Variants in ARMC3 observed in about 807,000 individuals in gnomAD.
ARMC3 encodes the protein armadillo repeat-containing protein 3.
ARMC3 carries 74 observed loss-of-function variants against 90.3 expected under a neutral mutation model. The observed-to-expected ratio is 0.82, with a 90% confidence interval of 0.68 to 0.99. The LOEUF is 0.99. ARMC3 is among the 50% of genes least tolerant of loss of function. The pLI is 0.00. For synonymous variants in ARMC3, 334 were observed against 361.8 expected, an observed-to-expected ratio of 0.92 and a Z score of 0.87; for missense variants, 958 against 1,042.8, an observed-to-expected ratio of 0.92 and a Z score of 1.12.
At chr10:22,959,202 T>C (rs1835086503) in intron 5 of ARMC3, 64 bp downstream of exon 5, 4 of 1,436,566 alleles carry the variant, frequency 2.8e-6, no homozygotes, top group African/African-American at 2.8e-5. Context: ...GATTAAACTA[T>C]ATATTGAAAA....
intron 2 of ARMC3, among the ~76,000 whole-genome samples, chr10:22,932,904 G>GT (rs1393251085): frequency 5.9e-5 from 9 of 152,184 alleles, no homozygotes; most frequent in Non-Finnish European, 8.8e-5. Context: ...AGTTATTTCG[G>GT]TTTTTCTTTA....
At chr10:23,025,304 G>A (rs569564602) in intron 16 of ARMC3, among the ~76,000 whole-genome samples, 7 of 151,688 alleles carry the variant, frequency 4.6e-5, no homozygotes, top group African/African-American at 1.7e-4. Context: ...CAGAATACAC[G>A]TTTCATTAAA....
At chr10:22,946,396 T>G in intron 3 of ARMC3, 135 bp downstream of exon 3, 2 of 590,172 alleles carry the variant, frequency 3.4e-6, no homozygotes, top group African/African-American at 3.7e-5. Flanking sequence ...GGATATTATT[T>G]AATGCATTAC....
intron 1 of ARMC3, among the ~76,000 whole-genome samples, chr10:22,930,278 A>C (rs1833876636): frequency 1.3e-5 from 2 of 152,220 alleles, no homozygotes; most frequent in Admixed American, 1.3e-4. Context: ...AGATTTGAAA[A>C]AAATGCTTAT....
At chr10:22,999,460 G>C (rs1348650944) in intron 11 of ARMC3, among the ~76,000 whole-genome samples, 1 of 152,152 alleles carries the variant, frequency 6.6e-6, no homozygotes, top group Non-Finnish European at 1.5e-5. Flanking sequence ...ATTTTTCTCA[G>C]TTTTCTCACA....
intron 1 of ARMC3, among the ~76,000 whole-genome samples, chr10:22,928,490 A>G (rs548546435): frequency 6.6e-6 from 1 of 152,310 alleles, no homozygotes; most frequent in African/African-American, 2.4e-5. Flanking sequence ...CACGAAGAAC[A>G]AATACAAAGG....
intron 4 of ARMC3, 107 bp downstream of exon 4, chr10:22,956,039 T>C: frequency 2.7e-6 from 3 of 1,101,852 alleles, no homozygotes; most frequent in Non-Finnish European, 3.8e-6. Flanking sequence ...AAACTGACTT[T>C]CATGTTCACA....
chr10:22,934,213 A>G (rs934229683), intron 2 of ARMC3, among the ~76,000 whole-genome samples: 1 of 152,200 alleles, frequency 6.6e-6, no homozygotes, highest in Non-Finnish European at 1.5e-5. Context: ...GCTTTCCTCT[A>G]TAGTTTAAAA....
At chr10:23,032,756 ACAG>A in intron 17 of ARMC3, 102 bp from the exon 18 acceptor site, 1 of 1,212,744 alleles carries the variant, frequency 8.2e-7, no homozygotes, top group Non-Finnish European at 1.1e-6. Flanking sequence ...AACAAAAATC[ACAG>A]CAAATGTCAT....
At chr10:22,950,078 T>C (rs1330492908) in intron 3 of ARMC3, among the ~76,000 whole-genome samples, 1 of 151,558 alleles carries the variant, frequency 6.6e-6, no homozygotes, top group Non-Finnish European at 1.5e-5. Context: ...ATGTTTTTTT[T>C]CCAAATATAA....
At position 23,009,979 on chromosome 10, in the gene ARMC3, G is replaced by A. The variant is rs111546868; in HGVS notation, c.2045+1048G>A. ...GGCTGGGCCCCAAGTCTCCCAAGGC[G>A]TACGCAGTGGTTTGCCCTCATCCTC... On this transcript the variant is annotated intron_variant, in intron 16 of 18. Coordinates refer to ENST00000298032, the MANE Select transcript of ARMC3 (RefSeq NM_173081.5). 8.1e-3 allele frequency among the ~76,000 whole-genome samples: 1,240 copies of A among 152,192 alleles called. 11 individuals are homozygous for A. Among genetic ancestry groups the A allele is most frequent in the African/African-American group, 0.027 (1,137 of 41,510 alleles).
At chr10:23,020,132 T>TTGTTTTC (rs1838449679) in intron 16 of ARMC3, among the ~76,000 whole-genome samples, 1 of 151,780 alleles carries the variant, frequency 6.6e-6, no homozygotes, top group African/African-American at 2.4e-5. Context: ...TTGTTTTGTT[T>TTGTTTTC]TGTTTTGTTT....
chr10:22,998,753 T>A (rs1183354217), intron 11 of ARMC3, among the ~76,000 whole-genome samples: 1 of 152,148 alleles, frequency 6.6e-6, no homozygotes, highest in African/African-American at 2.4e-5. Context: ...TAAAATAGAA[T>A]CTCATGTCAG....
At chr10:22,949,621 A>G (rs1834662883) in intron 3 of ARMC3, among the ~76,000 whole-genome samples, 1 of 152,204 alleles carries the variant, frequency 6.6e-6, no homozygotes. Flanking sequence ...GGTATGAGAA[A>G]AATTCAAGTG....
chr10:22,969,981 A>G (rs1835614653), intron 8 of ARMC3, among the ~76,000 whole-genome samples: 2 of 152,086 alleles, frequency 1.3e-5, no homozygotes, highest in South Asian at 4.1e-4. Flanking sequence ...CATTGTAACG[A>G]CCTACTTAAG....
At chr10:22,935,261 G>A (rs1482657816) in intron 2 of ARMC3, among the ~76,000 whole-genome samples, 1 of 152,168 alleles carries the variant, frequency 6.6e-6, no homozygotes, top group Non-Finnish European at 1.5e-5. Flanking sequence ...TAATTCCTGG[G>A]AAGAGGGTGA....
In ARMC3 at chr10:23,032,879, G is replaced by A; in HGVS notation, c.2265G>A (p.Met755Ile). Residue 755 changes from methionine to isoleucine, a missense_variant, in exon 18 of 19, where the codon ATG (methionine) becomes ATA (isoleucine). Physicochemically the swap from Met to Ile is conservative, Grantham distance 10. Coordinates refer to ENST00000298032, the MANE Select transcript of ARMC3 (RefSeq NM_173081.5). The stretch of plus-strand genomic sequence containing the variant: ...GACACAGGTATGTAGCAGAAAAAAT[G>A]GGTGGTAAGATTCCAAAAGAGAAAC... ...EDLAKYVAEK[M>I]GGKIPKEKLP... 1.9e-6 allele frequency: 3 copies of A among 1,611,990 alleles called. No homozygotes were observed. Among genetic ancestry groups the A allele is most frequent in the Non-Finnish European group, 2.5e-6 (3 of 1,179,108 alleles).
chr10:22,998,269 C>G lies in ARMC3; in HGVS notation c.1297C>G (p.Leu433Val). Residue 433 changes from leucine (L) to valine (V), a missense_variant, in exon 11 of 19, where the codon CTG becomes GTG. By Grantham distance (32) the Leu-to-Val change is conservative. Transcript: ENST00000298032. ...CATGGCCATGCAGGAGCCCCTGCGC[C>G]TGAACATACAGAATCACGACATCAT... is the stretch of plus-strand genomic sequence containing the variant. The part of the protein sequence containing the change: ...TNMAMQEPLR[L>V]NIQNHDIMHA... 1 of 1,612,556 alleles carries G rather than the reference C, an allele frequency of 6.2e-7. No individual in the cohort carries two copies. Among genetic ancestry groups the G allele is most frequent in the East Asian group, 2.2e-5 (1 of 44,788 alleles).
rs1444183510 is a variant in ARMC3 at position 23,006,959 on chromosome 10, T to C, written c.1807T>C (p.Leu603=). 6.2e-7 allele frequency: 1 copy of C among 1,611,222 alleles called. No homozygotes were observed. The highest frequency in any genetic ancestry group is 2.2e-5 in the East Asian group (1 of 44,862). ...ACCAAGTGACCTACGGGCTGTACTC[T>C]TAATCAACAGTAAATCTTACGTGTG... The part of the protein sequence containing the change: ...QEPSDLRAVL[L]INSKSYVSPP... The change falls in exon 14 of 19, where the codon TTA becomes CTA. Residue 603 remains leucine, a synonymous_variant. Coordinates refer to ENST00000298032, the MANE Select transcript of ARMC3 (RefSeq NM_173081.5).
Sources: gnomAD v4.1 joint callset for allele counts (sites outside exome capture counted in the v4.1 genomes callset) on GRCh38, gnomAD v4.1.1 for gene constraint, MANE v1.5 for transcripts, NCBI Gene and HGNC (gene_info 2026-07-23, HGNC 2026-07-21) for gene names.